SLC44A5: variants seen among roughly 807,000 people sequenced by gnomAD.
The protein encoded by SLC44A5 is solute carrier family 44 member 5.
In SLC44A5, 57 loss-of-function variants were observed where a neutral mutation model predicts 101.8. The ratio of observed to expected loss-of-function variants is 0.56; its 90% CI spans 0.45 to 0.70. The LOEUF is 0.70. Among genes scored for constraint, SLC44A5 ranks in the 30% least tolerant of loss-of-function variants. The probability of loss-of-function intolerance (pLI) is 0.00; values close to 1 mark genes in which losing one functional copy is unlikely to be tolerated. For synonymous variants in SLC44A5, 281 were observed against 290.9 expected (o/e 0.97, Z 0.35); for missense variants, 737 against 853.1 (o/e 0.86, Z 1.70).
At chr1:75,339,243 A>T (rs539591243) in intron 4 of SLC44A5, among the ~76,000 whole-genome samples, 3 of 152,318 alleles carry the variant, frequency 2.0e-5, no homozygotes, top group African/African-American at 4.8e-5. Flanking sequence ...CAGAGTAAAC[A>T]GGTGCATAAA....
At chr1:75,423,035 A>C (rs1239389704) in intron 2 of SLC44A5, among the ~76,000 whole-genome samples, 1 of 152,186 alleles carries the variant, frequency 6.6e-6, no homozygotes, top group Non-Finnish European at 1.5e-5. Context: ...GGCTTAAGCT[A>C]GTTCCATTTA....
chr1:75,305,075 G>C (rs1371247222), intron 4 of SLC44A5, among the ~76,000 whole-genome samples: 1 of 152,192 alleles, frequency 6.6e-6, no homozygotes, highest in African/African-American at 2.4e-5. Context: ...AAAAGAATAA[G>C]AATAGGATTC....
At chr1:75,490,645 G>T (rs1000389456) in intron 2 of SLC44A5, among the ~76,000 whole-genome samples, 1 of 152,146 alleles carries the variant, frequency 6.6e-6, no homozygotes, top group African/African-American at 2.4e-5. Flanking sequence ...TCATTGAAGA[G>T]AGAAAAGTTT....
intron 3 of SLC44A5, among the ~76,000 whole-genome samples, chr1:75,343,390 C>A (rs1658024456): frequency 6.6e-6 from 1 of 152,082 alleles, no homozygotes; most frequent in South Asian, 2.1e-4. Flanking sequence ...TAATTCAATT[C>A]ATAGGGGCAG....
the SLC44A5 span, among the ~76,000 whole-genome samples, chr1:75,694,096 T>G: frequency 9.3e-5 from 14 of 150,458 alleles, no homozygotes; most frequent in African/African-American, 3.4e-4. Flanking sequence ...TATAAACAGA[T>G]GGAAATGACC....
chr1:75,289,956 C>T (rs553653163), intron 5 of SLC44A5, among the ~76,000 whole-genome samples: 1 of 152,168 alleles, frequency 6.6e-6, no homozygotes, highest in Non-Finnish European at 1.5e-5. Flanking sequence ...TTTGAAGATA[C>T]GTTTGTCTCA....
At chr1:75,438,471 C>G (rs762830539) in intron 2 of SLC44A5, among the ~76,000 whole-genome samples, 1 of 152,042 alleles carries the variant, frequency 6.6e-6, no homozygotes, top group Non-Finnish European at 1.5e-5. Flanking sequence ...AAACACAGCA[C>G]AACATAGAAC....
the SLC44A5 span, among the ~76,000 whole-genome samples, chr1:75,669,863 T>C: frequency 6.6e-6 from 1 of 152,216 alleles, no homozygotes; most frequent in Non-Finnish European, 1.5e-5. Flanking sequence ...TTCACCTTCA[T>C]AGATGAATGA....
rs567936206 is a variant in SLC44A5 at position 75,263,376 on chromosome 1, A to T, written c.260+11582T>A. 3.3e-5 allele frequency among the ~76,000 whole-genome samples: 5 copies of T among 152,360 alleles called. No individual in the cohort carries two copies. In the South Asian group the frequency reaches 1.0e-3, roughly 32 times the overall value. On this transcript the variant is annotated intron_variant, in intron 6 of 23. Coordinates refer to ENST00000370859, the MANE Select transcript of SLC44A5 (RefSeq NM_001130058.2). Reference sequence around the variant, plus strand: ...ATTTATGCAGCCAACAAACATATGAAAAAAAGCTCATCATCACTGGTCATT... The same window carrying T: ...ATTTATGCAGCCAACAAACATATGATAAAAAGCTCATCATCACTGGTCATT...
chr1:75,236,858 G>C (rs898135910), intron 11 of SLC44A5, 129 bp downstream of exon 11: 6 of 518,084 alleles, frequency 1.2e-5, no homozygotes, highest in Non-Finnish European at 2.1e-5. Flanking sequence ...TGACATCTGA[G>C]TGAAATTTGT....
chr1:75,679,797 A>G, the SLC44A5 span, among the ~76,000 whole-genome samples: 1 of 152,184 alleles, frequency 6.6e-6, no homozygotes, highest in African/African-American at 2.4e-5. Context: ...TAAATGCTCC[A>G]AGTAAAAGAC....
the SLC44A5 span, among the ~76,000 whole-genome samples, chr1:75,652,627 A>C: frequency 3.3e-5 from 5 of 152,118 alleles, no homozygotes; most frequent in Non-Finnish European, 5.9e-5. Context: ...AGACCCTATC[A>C]CTACAAGATT....
the SLC44A5 span, among the ~76,000 whole-genome samples, chr1:75,661,298 T>C: frequency 1.2e-4 from 17 of 141,366 alleles, no homozygotes; most frequent in Non-Finnish European, 1.5e-4. Flanking sequence ...AGAATGAAAC[T>C]AGAACTCTAT....
chr1:75,371,437 G>A (rs1034733045), intron 3 of SLC44A5, among the ~76,000 whole-genome samples: 26 of 152,234 alleles, frequency 1.7e-4, no homozygotes, highest in African/African-American at 6.0e-4. Flanking sequence ...AGTAAGTGCT[G>A]TAAACTATTT....
chr1:75,621,386 A>G, the SLC44A5 span, among the ~76,000 whole-genome samples: 1 of 152,196 alleles, frequency 6.6e-6, no homozygotes, highest in African/African-American at 2.4e-5. Flanking sequence ...GGAAAGGAAT[A>G]CATGTTCCTA....
intron 1 of SLC44A5, among the ~76,000 whole-genome samples, chr1:75,550,302 A>G (rs981930800): frequency 6.6e-6 from 1 of 152,162 alleles, no homozygotes; most frequent in Non-Finnish European, 1.5e-5. Context: ...ACAAAAAGCC[A>G]GAAATACATG....
chr1:75,441,204 G>A (rs1261006249), intron 2 of SLC44A5, among the ~76,000 whole-genome samples: 1 of 152,086 alleles, frequency 6.6e-6, no homozygotes, highest in Non-Finnish European at 1.5e-5. Flanking sequence ...GTAGAGCAAT[G>A]TTTCTCAAGG....
intron 4 of SLC44A5, among the ~76,000 whole-genome samples, chr1:75,307,947 C>A (rs1234768337): frequency 6.6e-6 from 1 of 152,114 alleles, no homozygotes; most frequent in South Asian, 2.1e-4. Context: ...ATTACATGAA[C>A]CTGTATTTTC....
intron 6 of SLC44A5, among the ~76,000 whole-genome samples, chr1:75,262,574 T>G (rs574256361): frequency 6.6e-6 from 1 of 152,298 alleles, no homozygotes; most frequent in East Asian, 1.9e-4. Context: ...ATTTATAGAT[T>G]CAATGCTATC....
Sources: gnomAD v4.1 joint callset for allele counts (sites outside exome capture counted in the v4.1 genomes callset) on GRCh38, gnomAD v4.1.1 for gene constraint, MANE v1.5 for transcripts, NCBI Gene and HGNC (gene_info 2026-07-23, HGNC 2026-07-21) for gene names.